SLPI: variants seen among roughly 807,000 people sequenced by gnomAD.
SLPI encodes antileukoproteinase.
In SLPI, 20 loss-of-function variants were observed where a neutral mutation model predicts 14.3. The ratio of observed to expected loss-of-function variants is 1.40; its 90% CI spans 0.99 to 2.04. SLPI has a LOEUF of 2.04. SLPI is among the 30% of genes most tolerant of loss of function. The pLI is 0.00. For missense variants in SLPI, 169 were observed against 159.4 expected, an observed-to-expected ratio of 1.06 and a Z score of -0.32; for synonymous variants, 68 against 54.8, an observed-to-expected ratio of 1.24 and a Z score of -1.07.
rs1227191493 is a variant in SLPI at position 45,253,666 on chromosome 20, G to A, written c.153C>T (p.Cys51=). 1 of 1,614,054 alleles carries A rather than the reference G, an allele frequency of 6.2e-7. No homozygotes were observed. Among genetic ancestry groups the A allele is most frequent in the Admixed American group, 1.7e-5 (1 of 60,030 alleles). Residue 51 remains cysteine (C), a synonymous_variant, in exon 2 of 4, where the codon TGC becomes TGT. Transcript: ENST00000338380. ...AQCLRYKKPE[C]QSDWQCPGKK... is the part of the protein sequence containing the mutation. ...TCCCTGGACACTGCCAGTCACTCTG[G>A]CACTCAGGTTTCTTGTATCTAAGGC...
rs374682055 is a variant in SLPI, at chr20:45,252,412, G to A, written c.*3C>T. 29 of 1,613,676 alleles carry A rather than the reference G, an allele frequency of 1.8e-5. No homozygotes were observed. The African/African-American group carries it at 3.7e-4, about 21-fold the overall frequency. On this transcript the variant is annotated 3_prime_UTR_variant, in exon 4 of 4. Coordinates refer to ENST00000338380, the MANE Select transcript of SLPI (RefSeq NM_003064.4). Reference sequence around the variant, plus strand: ...CTCCAGAGCCTCCTCCATATGGCAGGAATCAAGCTGTGAGAGAAAATCAGA... The same window carrying A: ...CTCCAGAGCCTCCTCCATATGGCAGAAATCAAGCTGTGAGAGAAAATCAGA...
Position 45,253,844 on chromosome 20 carries a change from G to A in SLPI, c.86-111C>T, listed in dbSNP as rs530587585. On this transcript the variant is annotated intron_variant, in intron 1 of 3. Transcript: ENST00000338380. Reference sequence around the variant, plus strand: ...GGGAGAGACCCTTACCTCAGTAGCTGTCCACAAAGCCCAAAGGGTCATGCC... The same window carrying A: ...GGGAGAGACCCTTACCTCAGTAGCTATCCACAAAGCCCAAAGGGTCATGCC... 3 of 946,732 alleles carry A rather than the reference G, an allele frequency of 3.2e-6. No individual in the cohort carries two copies. The South Asian group carries it at 4.9e-5, about 16-fold the overall frequency. 58.6% of individuals were successfully genotyped at this position (946,732 alleles called of 1,614,324 possible).
rs769225460 is a variant in SLPI, at chr20:45,253,589, T to A, written c.230A>T (p.Asp77Val). ...TCGIKCLDPV[D>V]TPNPTRRKPG... ...GACCTGCTTACTTGGGTTTGGGGTGTCAACAGGATCCAGGCATTTGATGCC... is the reference window on the plus strand; with the variant it reads ...GACCTGCTTACTTGGGTTTGGGGTGACAACAGGATCCAGGCATTTGATGCC... Residue 77 changes from aspartate to valine, a missense_variant, in exon 2 of 4, where the codon GAC becomes GTC. Asp to Val is a radical substitution (Grantham distance 152). Transcript: ENST00000338380. The A allele has an allele frequency of 9.3e-6, 15 of 1,613,764 alleles. No homozygotes were observed. The African/African-American group carries it at 1.7e-4, about 19-fold the overall frequency.
intron 2 of SLPI, 63 bp from the exon 3 acceptor site, chr20:45,253,214 C>G: frequency 1.3e-6 from 2 of 1,559,046 alleles, no homozygotes; most frequent in Non-Finnish European, 1.7e-6. Flanking sequence ...CCCATCCCCA[C>G]TTTTTAGAGT....
At chr20:45,253,365 A>G (rs2206888) in intron 2 of SLPI, among the ~76,000 whole-genome samples, 45,393 of 152,002 alleles carry the variant, frequency 0.3, 7,845 homozygotes, top group African/African-American at 0.47. Flanking sequence ...GTGGCCAGCC[A>G]CCCAGTGCTG....
intron 1 of SLPI, 61 bp downstream of exon 1, chr20:45,254,398 C>G: frequency 6.9e-7 from 1 of 1,458,748 alleles, no homozygotes; most frequent in Non-Finnish European, 9.6e-7. Context: ...ACACCCACAC[C>G]ACAAGGAGAC....
chr20:45,254,453 A>G lies in SLPI; in HGVS notation c.85+6T>C, dbSNP rs374579460. The G allele has an allele frequency of 3.5e-5, 57 of 1,613,746 alleles. No homozygotes were observed. Among genetic ancestry groups the G allele is most frequent in the African/African-American group, 6.7e-5 (5 of 74,924 alleles). ...CCCAGATTAGACCAGAGTGACTCCA[A>G]CTTACACTTTCCAGAGCCTTCCACA... On this transcript the variant is annotated splice_donor_region_variant and intron_variant, in intron 1 of 3. Transcript: ENST00000338380.
chr20:45,252,460 A>T, intron 3 of SLPI, 41 bp from the exon 4 acceptor site: 1 of 1,611,934 alleles, frequency 6.2e-7, no homozygotes, highest in Non-Finnish European at 8.5e-7. Flanking sequence ...CATAGAAACC[A>T]GCCAAATCAT....
At chr20:45,252,708 G>C (rs1408126430) in intron 3 of SLPI, among the ~76,000 whole-genome samples, 2 of 152,162 alleles carry the variant, frequency 1.3e-5, no homozygotes, top group Admixed American at 6.5e-5. Context: ...GTGCTTTGCA[G>C]AGCACTTTCA....
chr20:45,253,156 G>A lies in SLPI; in HGVS notation c.245-5C>T, dbSNP rs200314688. 1.2e-4 allele frequency: 196 copies of A among 1,613,552 alleles called. 1 individual carries two copies. In the African/African-American group the frequency reaches 2.3e-3, roughly 19 times the overall value. On this transcript the variant is annotated splice_region_variant and splice_polypyrimidine_tract_variant and intron_variant, in intron 2 of 3. Coordinates refer to ENST00000338380, the MANE Select transcript of SLPI (RefSeq NM_003064.4). ...ACTTCCCAGGCTTCCTCCTTGCTGG[G>A]TGAGAGTGAGGCTACCGGTCAGAGG...
At chr20:45,254,133 C>G (rs548721210) in intron 1 of SLPI, among the ~76,000 whole-genome samples, 2 of 151,548 alleles carry the variant, frequency 1.3e-5, no homozygotes, top group Admixed American at 6.6e-5. Flanking sequence ...AGCAAAGACA[C>G]AAGGAAGCAG....
chr20:45,254,179 T>A (rs1341130280), intron 1 of SLPI, among the ~76,000 whole-genome samples: 1 of 139,934 alleles, frequency 7.1e-6, no homozygotes, highest in African/African-American at 2.7e-5. Context: ...CGCAGACAGG[T>A]GAAGAAGAAG....
intron 1 of SLPI, 112 bp downstream of exon 1, chr20:45,254,347 C>G: frequency 1.1e-6 from 1 of 871,612 alleles, no homozygotes; most frequent in Non-Finnish European, 1.8e-6. Context: ...AGGGAGGTCT[C>G]CCGAAACTAA....
chr20:45,252,297 CT>C lies in SLPI; in HGVS notation c.*117del. The C allele has an allele frequency of 1.1e-6, 1 of 890,726 alleles. No individual in the cohort carries two copies. The highest frequency in any genetic ancestry group is 1.7e-6 in the Non-Finnish European group (1 of 578,602). 55.2% of individuals were successfully genotyped at this position (890,726 alleles called of 1,614,324 possible). A position where few individuals can be genotyped will look rare whatever the true frequency, so the allele number is the denominator to read the frequency against. On this transcript the variant is annotated 3_prime_UTR_variant, in exon 4 of 4. Coordinates refer to ENST00000338380, the MANE Select transcript of SLPI (RefSeq NM_003064.4). ...TGATCAACTGGCACTTCTTGAAAGCCTGCTGTGTGCCAAGCCTTTCCCCAAA... is the reference window on the plus strand; with the variant it reads ...TGATCAACTGGCACTTCTTGAAAGCCGCTGTGTGCCAAGCCTTTCCCCAAA...
intron 1 of SLPI, 112 bp downstream of exon 1, chr20:45,254,347 C>T: frequency 1.1e-6 from 1 of 871,612 alleles, no homozygotes; most frequent in Non-Finnish European, 1.8e-6. Context: ...AGGGAGGTCT[C>T]CCGAAACTAA....
intron 3 of SLPI, among the ~76,000 whole-genome samples, 167 bp from the exon 4 acceptor site, chr20:45,252,586 T>C (rs1984692545): frequency 6.6e-6 from 1 of 152,198 alleles, no homozygotes; most frequent in African/African-American, 2.4e-5. Context: ...ACCGTAAAAC[T>C]CTAAACTCAA....
Position 45,252,370 on chromosome 20 carries a change from G to A in SLPI, c.*45C>T. 1.9e-6 allele frequency: 3 copies of A among 1,609,718 alleles called. No individual in the cohort carries two copies. Among genetic ancestry groups the A allele is most frequent in the Non-Finnish European group, 2.5e-6 (3 of 1,176,864 alleles). Reference sequence around the variant, plus strand: ...CAAGTCTCAGGGTGGAAAGGACCTGGACCACACAGAGCAGGACTCCAGAGC... The same window carrying A: ...CAAGTCTCAGGGTGGAAAGGACCTGAACCACACAGAGCAGGACTCCAGAGC... On this transcript the variant is annotated 3_prime_UTR_variant, in exon 4 of 4. Coordinates refer to ENST00000338380, the MANE Select transcript of SLPI (RefSeq NM_003064.4).
At chr20:45,252,579 G>A (rs1189420182) in intron 3 of SLPI, among the ~76,000 whole-genome samples, 160 bp from the exon 4 acceptor site, 3 of 152,166 alleles carry the variant, frequency 2.0e-5, no homozygotes, top group Non-Finnish European at 2.9e-5. Flanking sequence ...CATTTTCACC[G>A]TAAAACTCTA....
At chr20:45,253,487 G>T in intron 2 of SLPI, 88 bp downstream of exon 2, 1 of 1,269,030 alleles carries the variant, frequency 7.9e-7, no homozygotes, top group Non-Finnish European at 1.1e-6. Context: ...TGACAAGGAG[G>T]CCTGGCAGGA....
Sources: gnomAD v4.1 joint callset for allele counts (sites outside exome capture counted in the v4.1 genomes callset) on GRCh38, gnomAD v4.1.1 for gene constraint, MANE v1.5 for transcripts, NCBI Gene and HGNC (gene_info 2026-07-23, HGNC 2026-07-21) for gene names.